Variants in ARHGAP26 observed in about 807,000 individuals in gnomAD.
The protein encoded by ARHGAP26 is rho GTPase-activating protein 26.
A neutral mutation model predicts 104.8 loss-of-function variants in ARHGAP26; 38 were observed. The ratio of observed to expected loss-of-function variants is 0.36; its 90% CI spans 0.28 to 0.48. ARHGAP26 has a LOEUF of 0.48. ARHGAP26 is among the 20% of genes least tolerant of loss of function. The pLI is 0.99. For synonymous variants in ARHGAP26, 341 were observed against 340.0 expected (o/e 1.00, Z -0.03); for missense variants, 704 against 947.9 (o/e 0.74, Z 3.38).
At chr5:142,815,430 T>C (rs1403756706) in intron 1 of ARHGAP26, among the ~76,000 whole-genome samples, 1 of 152,272 alleles carries the variant, frequency 6.6e-6, no homozygotes, top group African/African-American at 2.4e-5. Context: ...GCAGTTACAC[T>C]GAAGGAGGAC....
At chr5:142,831,247 C>A (rs1365692827) in intron 1 of ARHGAP26, among the ~76,000 whole-genome samples, 5 of 152,216 alleles carry the variant, frequency 3.3e-5, no homozygotes, top group African/African-American at 1.2e-4. Context: ...TGATATCTCT[C>A]TGCCTCGTTC....
intron 1 of ARHGAP26, among the ~76,000 whole-genome samples, chr5:142,846,269 C>G (rs1443664386): frequency 6.6e-6 from 1 of 152,130 alleles, no homozygotes; most frequent in African/African-American, 2.4e-5. Context: ...GAGACCTTTC[C>G]AAGGTCACAT....
chr5:142,895,697 A>T (rs374106373), intron 6 of ARHGAP26, among the ~76,000 whole-genome samples: 1 of 152,042 alleles, frequency 6.6e-6, no homozygotes, highest in Non-Finnish European at 1.5e-5. Context: ...CAAGACTCCA[A>T]TTGGTGGCCA....
intron 17 of ARHGAP26, among the ~76,000 whole-genome samples, chr5:143,106,958 G>A (rs1794111861): frequency 6.6e-6 from 1 of 152,164 alleles, no homozygotes; most frequent in African/African-American, 2.4e-5. Context: ...GGCCTTCCTG[G>A]CCTACCTAAG....
At chr5:142,911,008 G>A (rs1428724860) in intron 9 of ARHGAP26, among the ~76,000 whole-genome samples, 1 of 152,060 alleles carries the variant, frequency 6.6e-6, no homozygotes, top group Non-Finnish European at 1.5e-5. Flanking sequence ...TTCCCTCACT[G>A]TCCTTTTCAT....
chr5:143,133,920 C>A, intron 18 of ARHGAP26, 47 bp from the exon 19 acceptor site: 3 of 1,548,328 alleles, frequency 1.9e-6, no homozygotes, highest in Non-Finnish European at 2.6e-6. Flanking sequence ...CTGTTTTCTT[C>A]CCAGTCCACA....
intron 1 of ARHGAP26, among the ~76,000 whole-genome samples, chr5:142,774,039 T>C (rs1308811927): frequency 1.3e-5 from 2 of 152,230 alleles, no homozygotes; most frequent in Non-Finnish European, 2.9e-5. Context: ...CAACCTGCTT[T>C]GTTTAGGAGT....
chr5:143,150,386 C>T (rs1187741340), intron 20 of ARHGAP26, among the ~76,000 whole-genome samples: 1 of 152,192 alleles, frequency 6.6e-6, no homozygotes, highest in Non-Finnish European at 1.5e-5. Context: ...ACTTACAAGT[C>T]ATAATGTGTT....
chr5:143,151,421 G>C (rs180729501), intron 20 of ARHGAP26, among the ~76,000 whole-genome samples: 83 of 152,252 alleles, frequency 5.5e-4, no homozygotes, highest in Non-Finnish European at 1.1e-3. Flanking sequence ...ATGTTCTTTG[G>C]TATTTACCCA....
chr5:143,110,378 C>T (rs1316147791), intron 17 of ARHGAP26, among the ~76,000 whole-genome samples: 1 of 152,200 alleles, frequency 6.6e-6, no homozygotes, highest in Non-Finnish European at 1.5e-5. Flanking sequence ...ATAGATGTTG[C>T]AGTTTTGGCC....
chr5:142,871,561 C>T lies in ARHGAP26; in HGVS notation c.155-1839C>T, dbSNP rs545192042. ...AAATGGGAATGTGTATAACCACACC[C>T]ACATTTGATGCACACACATTTGGAG... is the stretch of plus-strand genomic sequence containing the variant. On this transcript the variant is annotated intron_variant, in intron 1 of 22. Transcript: ENST00000645722. This position sits in a 1 kb window ranked among gnomAD's most constrained non-coding sequence, Gnocchi z 4.1. Among the ~76,000 whole-genome samples, 3 of 152,344 alleles carry T rather than the reference C, an allele frequency of 2.0e-5. No individual in the cohort carries two copies. The South Asian group carries it at 6.2e-4, about 32-fold the overall frequency.
intron 1 of ARHGAP26, among the ~76,000 whole-genome samples, chr5:142,802,962 T>A (rs1341430266): frequency 6.6e-6 from 1 of 152,208 alleles, no homozygotes; most frequent in Non-Finnish European, 1.5e-5. Context: ...TAGTCCATAT[T>A]AAGTGTTTTG....
At position 142,993,889 on chromosome 5, in the gene ARHGAP26, T is replaced by A. The variant is rs563143037; in HGVS notation, c.1108-20191T>A. 2.9e-3 allele frequency among the ~76,000 whole-genome samples: 436 copies of A among 152,068 alleles called. 4 individuals carry two copies. The highest frequency in any genetic ancestry group is 9.9e-3 in the African/African-American group (412 of 41,492). ...ACTCCTTATGTTGCCCAGATCAGTC[T>A]CAAATTCCTGGGCGCATGTGATCCT... On this transcript the variant is annotated intron_variant, in intron 11 of 22. Transcript: ENST00000645722.
intron 1 of ARHGAP26, among the ~76,000 whole-genome samples, chr5:142,810,583 G>A (rs1037466808): frequency 7.0e-4 from 107 of 152,194 alleles, no homozygotes; most frequent in African/African-American, 1.8e-3. Flanking sequence ...TTGAACTATG[G>A]CATACCTGAG....
intron 14 of ARHGAP26, among the ~76,000 whole-genome samples, chr5:143,052,759 T>G (rs1785232370): frequency 6.6e-6 from 1 of 152,194 alleles, no homozygotes; most frequent in South Asian, 2.1e-4. Flanking sequence ...TCTATTTGGA[T>G]GAAAGTGGTT....
At chr5:142,897,760 T>G (rs533890638) in intron 6 of ARHGAP26, among the ~76,000 whole-genome samples, 12 of 152,348 alleles carry the variant, frequency 7.9e-5, no homozygotes, top group African/African-American at 2.9e-4. Context: ...AGTACTGTTT[T>G]TATCCCAATT....
At chr5:142,989,785 C>T (rs970240317) in intron 11 of ARHGAP26, among the ~76,000 whole-genome samples, 2 of 152,144 alleles carry the variant, frequency 1.3e-5, no homozygotes, top group Non-Finnish European at 2.9e-5. Context: ...ATATTGGCCC[C>T]CACTCTTCTG....
At chr5:142,885,246 T>C (rs374758230) in intron 4 of ARHGAP26, 52 bp from the exon 5 acceptor site, 21 of 1,499,408 alleles carry the variant, frequency 1.4e-5, no homozygotes, top group African/African-American at 2.8e-5. Context: ...AGGCTGCTTT[T>C]ATTCCTGCAA....
chr5:142,974,567 A>C (rs1772772064), intron 11 of ARHGAP26, among the ~76,000 whole-genome samples: 1 of 152,138 alleles, frequency 6.6e-6, no homozygotes, highest in Admixed American at 6.5e-5. Context: ...TTTTTTCTGA[A>C]CATTAACTCA....
Sources: gnomAD v4.1 joint callset for allele counts (sites outside exome capture counted in the v4.1 genomes callset) on GRCh38, gnomAD v4.1.1 for gene constraint, Gnocchi (gnomAD v3.1) non-coding constraint, MANE v1.5 for transcripts, NCBI Gene and HGNC (gene_info 2026-07-23, HGNC 2026-07-21) for gene names.